SIK2: variants seen among roughly 807,000 people sequenced by gnomAD.
SIK2 encodes serine/threonine-protein kinase SIK2.
SIK2 carries 29 observed loss-of-function variants against 103.2 expected under a neutral mutation model. The ratio of observed to expected loss-of-function variants is 0.28; its 90% CI spans 0.21 to 0.38. SIK2 has a LOEUF of 0.38. Ranked by LOEUF, SIK2 falls within the 10% of genes least tolerant of loss-of-function variation. The pLI is 1.00. For missense variants in SIK2, 879 were observed against 1,171.0 expected (o/e 0.75, Z 3.64); for synonymous variants, 412 against 446.1 (o/e 0.92, Z 0.96).
intron 1 of SIK2, among the ~76,000 whole-genome samples, chr11:111,608,218 A>G (rs1201525335): frequency 6.6e-6 from 1 of 152,230 alleles, no homozygotes; most frequent in African/African-American, 2.4e-5. Flanking sequence ...GAGATATTAG[A>G]AGATCGAAAG....
At chr11:111,672,194 T>C in intron 3 of SIK2, 1 of 406,902 alleles carries the variant, frequency 2.5e-6, no homozygotes, top group Non-Finnish European at 4.6e-6. Flanking sequence ...ATAATGGCTG[T>C]GATGCCCCCC....
chr11:111,644,034 T>C (rs1047504287), intron 3 of SIK2, among the ~76,000 whole-genome samples: 1 of 150,984 alleles, frequency 6.6e-6, no homozygotes, highest in African/African-American at 2.4e-5. Flanking sequence ...ACACCTGTAA[T>C]CCCAGCATTT....
chr11:111,604,862 T>G (rs999439977), intron 1 of SIK2, among the ~76,000 whole-genome samples: 3 of 152,132 alleles, frequency 2.0e-5, no homozygotes, highest in African/African-American at 4.8e-5. Context: ...GTGGGTGTGA[T>G]TGGAGATATT....
At position 111,701,130 on chromosome 11, in the gene SIK2, C is replaced by A; in HGVS notation, c.603+120C>A. 2 of 1,306,022 alleles carry A rather than the reference C, an allele frequency of 1.5e-6. No individual in the cohort carries two copies. Among genetic ancestry groups the A allele is most frequent in the Non-Finnish European group, 2.1e-6 (2 of 970,208 alleles). 80.9% of individuals were successfully genotyped at this position (1,306,022 alleles called of 1,614,324 possible). On this transcript the variant is annotated intron_variant, in intron 5 of 14. Coordinates refer to ENST00000304987, the MANE Select transcript of SIK2 (RefSeq NM_015191.3). The surrounding 1 kb of genome is among the most constrained non-coding windows in gnomAD (Gnocchi z 4.2). ...AGCAGTATTTCATATTTTCCCCATC[C>A]ACTGGACTATAATTACTCAGAGCAT...
At chr11:111,659,143 CTTTA>C (rs1368932765) in intron 3 of SIK2, among the ~76,000 whole-genome samples, 1 of 151,962 alleles carries the variant, frequency 6.6e-6, no homozygotes, top group Non-Finnish European at 1.5e-5. Flanking sequence ...TCATAATCTT[CTTTA>C]TTAAGTTTTA....
At chr11:111,693,100 A>C (rs899478843) in intron 4 of SIK2, among the ~76,000 whole-genome samples, 1 of 152,044 alleles carries the variant, frequency 6.6e-6, no homozygotes, top group African/African-American at 2.4e-5. Flanking sequence ...TTGAGGGGCC[A>C]AGGTGGGCGG....
intron 2 of SIK2, among the ~76,000 whole-genome samples, chr11:111,618,344 G>T (rs146397732): frequency 1.3e-5 from 2 of 152,118 alleles, no homozygotes; most frequent in Non-Finnish European, 2.9e-5. Flanking sequence ...GTGACCCGGC[G>T]GTTAGGAACC....
In SIK2 at chr11:111,659,611, C is replaced by T. The variant is rs575379174; in HGVS notation, c.317-28390C>T. ...CTTATTCCTTTTACAATGGCTCAAA[C>T]GCATTCTCCATTTTTTAAAGCTCTT... is the stretch of plus-strand genomic sequence containing the variant. On this transcript the variant is annotated intron_variant, in intron 3 of 14. Coordinates refer to ENST00000304987, the MANE Select transcript of SIK2 (RefSeq NM_015191.3). 1.5e-3 allele frequency among the ~76,000 whole-genome samples: 228 copies of T among 150,420 alleles called. 3 individuals carry two copies. The highest frequency in any genetic ancestry group is 5.4e-3 in the African/African-American group (216 of 39,812).
At chr11:111,716,554 G>A (rs1271982618) in intron 9 of SIK2, among the ~76,000 whole-genome samples, 1 of 152,072 alleles carries the variant, frequency 6.6e-6, no homozygotes, top group Admixed American at 6.6e-5. Flanking sequence ...TCCAGCCTGG[G>A]CGACAGAGTG....
At chr11:111,644,436 G>A (rs1302070500) in intron 3 of SIK2, among the ~76,000 whole-genome samples, 1 of 151,744 alleles carries the variant, frequency 6.6e-6, no homozygotes, top group Non-Finnish European at 1.5e-5. Context: ...AAAAATTGTG[G>A]CCGTAAAATA....
At chr11:111,657,759 T>C (rs1455219634) in intron 3 of SIK2, among the ~76,000 whole-genome samples, 1 of 152,128 alleles carries the variant, frequency 6.6e-6, no homozygotes, top group Admixed American at 6.6e-5. Context: ...GGGGAGTAAG[T>C]GTCAGATGAA....
At chr11:111,707,334 G>C (rs1468507622) in intron 8 of SIK2, among the ~76,000 whole-genome samples, 1 of 152,196 alleles carries the variant, frequency 6.6e-6, no homozygotes, top group Non-Finnish European at 1.5e-5. Context: ...TTCATGTCTA[G>C]ACTATGAGCA....
chr11:111,654,866 T>C (rs943992803), intron 3 of SIK2, among the ~76,000 whole-genome samples: 1 of 152,106 alleles, frequency 6.6e-6, no homozygotes, highest in East Asian at 2.0e-4. Flanking sequence ...AATGTGACTA[T>C]GTTTTAAATG....
At chr11:111,716,225 C>T (rs753272892) in intron 9 of SIK2, among the ~76,000 whole-genome samples, 5 of 152,162 alleles carry the variant, frequency 3.3e-5, no homozygotes, top group Non-Finnish European at 7.3e-5. Context: ...GGAGGTGTTT[C>T]GTGTCTACTT....
At chr11:111,697,861 T>A (rs924507427) in intron 4 of SIK2, among the ~76,000 whole-genome samples, 1 of 151,706 alleles carries the variant, frequency 6.6e-6, no homozygotes, top group African/African-American at 2.4e-5. Context: ...GAAAAAAAAA[T>A]TAGCCAGGCA....
intron 3 of SIK2, among the ~76,000 whole-genome samples, chr11:111,656,258 A>G (rs774989432): frequency 1.6e-4 from 24 of 152,280 alleles, no homozygotes; most frequent in Admixed American, 7.2e-4. Context: ...AATTATCAAA[A>G]CAGTGGACCA....
intron 3 of SIK2, among the ~76,000 whole-genome samples, chr11:111,640,776 C>A (rs1279555213): frequency 1.6e-5 from 2 of 123,658 alleles, no homozygotes; most frequent in African/African-American, 6.2e-5. Flanking sequence ...ACTTTGTAGC[C>A]CAGGCTTGAG....
intron 1 of SIK2, among the ~76,000 whole-genome samples, chr11:111,606,034 A>G (rs1379162909): frequency 1.3e-5 from 2 of 152,216 alleles, no homozygotes; most frequent in African/African-American, 2.4e-5. Context: ...AAAGAATAAT[A>G]GCATGTCAGC....
intron 8 of SIK2, among the ~76,000 whole-genome samples, chr11:111,708,703 C>T (rs1411056175): frequency 1.3e-5 from 2 of 152,098 alleles, no homozygotes; most frequent in Non-Finnish European, 2.9e-5. Context: ...CCCATCTCAG[C>T]TTCCCAAGTA....
Sources: allele counts gnomAD v4.1 joint callset (sites outside exome capture counted in the v4.1 genomes callset), GRCh38; gene constraint gnomAD v4.1.1; non-coding constraint Gnocchi (gnomAD v3.1); transcripts MANE v1.5; gene names NCBI Gene and HGNC (gene_info 2026-07-23, HGNC 2026-07-21).